Variants in CORO2A observed in about 807,000 individuals in gnomAD.
CORO2A encodes the protein coronin 2A.
Under a neutral mutation model 62.4 loss-of-function variants are expected in CORO2A, and 47 were observed. That is an observed-to-expected ratio of 0.75 (90% CI 0.60 to 0.96). The LOEUF is 0.96. Among genes scored for constraint, CORO2A ranks in the 40% least tolerant of loss-of-function variants. The pLI is 0.00. For synonymous variants in CORO2A, 273 were observed against 268.9 expected (o/e 1.02, Z -0.15); for missense variants, 610 against 684.1 (o/e 0.89, Z 1.21).
At chr9:98,141,745 T>C (rs1050934811) in intron 2 of CORO2A, among the ~76,000 whole-genome samples, 4 of 152,218 alleles carry the variant, frequency 2.6e-5, no homozygotes, top group African/African-American at 9.6e-5. Context: ...GTTGTGCACC[T>C]GCTCACATTT....
In CORO2A at chr9:98,157,563, C is replaced by T. The variant is rs551562035; in HGVS notation, c.98G>A (p.Arg33His). 156 of 1,614,148 alleles carry T rather than the reference C, an allele frequency of 9.7e-5. No individual in the cohort carries two copies. Among genetic ancestry groups the T allele is most frequent in the Admixed American group, 3.7e-4 (22 of 60,012 alleles). Residue 33 changes from arginine to histidine, a missense_variant, in exon 2 of 12, where the codon CGC (arginine) becomes CAC (histidine). By Grantham distance (29) the Arg-to-His change is conservative (BLOSUM62 0). Coordinates refer to ENST00000375077, the MANE Select transcript of CORO2A (RefSeq NM_052820.4). ...ENCYDSVPIT[R>H]SVHDNHFCAV... Reference sequence around the variant, plus strand: ...ACAGAAGTGGTTGTCGTGAACGCTGCGGGTGATAGGCACGGAGTCGTAGCA... The same window carrying T: ...ACAGAAGTGGTTGTCGTGAACGCTGTGGGTGATAGGCACGGAGTCGTAGCA...
At chr9:98,184,095 T>C (rs1475900042) in intron 1 of CORO2A, among the ~76,000 whole-genome samples, 1 of 152,236 alleles carries the variant, frequency 6.6e-6, no homozygotes, top group Non-Finnish European at 1.5e-5. Flanking sequence ...TACTATTTTA[T>C]ATCAGGGATT....
intron 1 of CORO2A, among the ~76,000 whole-genome samples, chr9:98,173,570 T>G (rs1341460035): frequency 1.3e-5 from 2 of 152,152 alleles, no homozygotes; most frequent in Non-Finnish European, 2.9e-5. Flanking sequence ...ATAAATTGCA[T>G]GCTCTGAGGC....
rs72757947 is a variant in CORO2A, at chr9:98,181,357, T to C, written c.-1+11202A>G. Among the ~76,000 whole-genome samples the C allele has an allele frequency of 1.9e-3, 285 of 147,870 alleles. 4 individuals are homozygous for C. The highest frequency in any genetic ancestry group is 0.014 in the South Asian group (63 of 4,592). ...TGCTTTTTTTTTTTTTTTTTTTTTT[T>C]AAGAGATGAGGTCTCACTATGTTGT... On this transcript the variant is annotated intron_variant, in intron 1 of 11. Transcript: ENST00000375077.
At chr9:98,126,211 T>G (rs1827316084) in intron 11 of CORO2A, among the ~76,000 whole-genome samples, 1 of 151,732 alleles carries the variant, frequency 6.6e-6, no homozygotes, top group Non-Finnish European at 1.5e-5. Flanking sequence ...AATTTTTGTA[T>G]TTTTAGTAGA....
chr9:98,128,489 C>A, intron 9 of CORO2A, 118 bp downstream of exon 9: 1 of 919,188 alleles, frequency 1.1e-6, no homozygotes, highest in Admixed American at 2.1e-5. Flanking sequence ...GTGAGAAAGG[C>A]CGCTCTGTGG....
At position 98,128,681 on chromosome 9, in the gene CORO2A, C is replaced by T. The variant is rs772266826; in HGVS notation, c.1006G>A (p.Glu336Lys). The T allele has an allele frequency of 1.7e-5, 28 of 1,614,034 alleles. No homozygotes were observed. The highest frequency in any genetic ancestry group is 1.6e-4 in the Middle Eastern group (1 of 6,084). The change falls in exon 9 of 12, where the codon GAG (glutamate) becomes AAG (lysine). Residue 336 changes from glutamate to lysine, a missense_variant. Coordinates refer to ENST00000375077, the MANE Select transcript of CORO2A (RefSeq NM_052820.4). The stretch of plus-strand genomic sequence containing the variant: ...ATCAGCTTGTAGAAGCGGAAGATCT[C>T]GCAGGAGGACACGTCGAGTCCTCTC... Reference protein sequence around the residue: ...PKRGLDVSSCEIFRFYKLITT... With the variant: ...PKRGLDVSSCKIFRFYKLITT...
At chr9:98,143,205 G>C (rs979956586) in intron 2 of CORO2A, among the ~76,000 whole-genome samples, 1 of 152,266 alleles carries the variant, frequency 6.6e-6, no homozygotes, top group Non-Finnish European at 1.5e-5. Context: ...CCCTGGGGCA[G>C]AGGGGGAAGA....
At chr9:98,168,791 A>G (rs952742310) in intron 1 of CORO2A, among the ~76,000 whole-genome samples, 12 of 152,272 alleles carry the variant, frequency 7.9e-5, no homozygotes, top group Non-Finnish European at 1.5e-4. Context: ...ACCAGAAAGC[A>G]TGAAGCAGCC....
intron 1 of CORO2A, among the ~76,000 whole-genome samples, chr9:98,190,506 G>A (rs950218690): frequency 1.3e-5 from 2 of 152,048 alleles, no homozygotes; most frequent in South Asian, 2.1e-4. Flanking sequence ...CCCTGGGCTC[G>A]GTTGCTGGTT....
At chr9:98,160,598 G>A (rs1420958528) in intron 1 of CORO2A, among the ~76,000 whole-genome samples, 25 of 152,330 alleles carry the variant, frequency 1.6e-4, no homozygotes, top group African/African-American at 1.4e-4. Context: ...CTAGGGTCTT[G>A]GCAACTTGGT....
At chr9:98,149,557 T>C (rs748970000) in intron 2 of CORO2A, among the ~76,000 whole-genome samples, 1 of 152,200 alleles carries the variant, frequency 6.6e-6, no homozygotes, top group Admixed American at 6.5e-5. Flanking sequence ...CTTCCAATCA[T>C]GCAGACAGTG....
chr9:98,192,330 G>A (rs1828314850), intron 1 of CORO2A, among the ~76,000 whole-genome samples: 1 of 152,228 alleles, frequency 6.6e-6, no homozygotes, highest in African/African-American at 2.4e-5. Context: ...CAACAACCCC[G>A]CGAGAAGGGG....
chr9:98,127,070 A>C, intron 10 of CORO2A: 1 of 563,602 alleles, frequency 1.8e-6, no homozygotes, highest in Admixed American at 3.1e-5. Context: ...GCGTGCACTG[A>C]AGCAGCCCCC....
At chr9:98,126,034 CTT>C (rs11334821) in intron 11 of CORO2A, among the ~76,000 whole-genome samples, 1,297 of 113,250 alleles carry the variant, frequency 0.011, 14 homozygotes, top group African/African-American at 0.03. Context: ...TCCCCACCAT[CTT>C]TTTTTTTTTT....
rs368787115 is a variant in CORO2A at position 98,161,397 on chromosome 9, T to C, written c.1-3737A>G. Among the ~76,000 whole-genome samples, 48 of 151,778 alleles carry C rather than the reference T, an allele frequency of 3.2e-4. 1 individual carries two copies. The South Asian group carries it at 0.01, about 32-fold the overall frequency. On this transcript the variant is annotated intron_variant, in intron 1 of 11. Coordinates refer to ENST00000375077, the MANE Select transcript of CORO2A (RefSeq NM_052820.4). ...GGTGAAACCCCGTCTCTACTGAAAATACAAAAATTAGCCGGGTGTGGTGGC... is the reference window on the plus strand; with the variant it reads ...GGTGAAACCCCGTCTCTACTGAAAACACAAAAATTAGCCGGGTGTGGTGGC...
At chr9:98,128,535 C>A (rs538293375) in intron 9 of CORO2A, 72 bp downstream of exon 9, 5 of 1,380,548 alleles carry the variant, frequency 3.6e-6, no homozygotes, top group East Asian at 2.3e-5. Context: ...CTCTGGTGCC[C>A]GACAGCCCTG....
At chr9:98,153,211 T>C (rs1373864234) in intron 2 of CORO2A, among the ~76,000 whole-genome samples, 1 of 150,862 alleles carries the variant, frequency 6.6e-6, no homozygotes, top group Non-Finnish European at 1.5e-5. Context: ...GTGATTCTCC[T>C]GCCTCAGACT....
chr9:98,165,120 C>A (rs944249894), intron 1 of CORO2A, among the ~76,000 whole-genome samples: 1 of 142,054 alleles, frequency 7.0e-6, no homozygotes, highest in Non-Finnish European at 1.6e-5. Context: ...GCATGTACCA[C>A]CGTGCTTGGC....
Sources: gnomAD v4.1 joint callset for allele counts (sites outside exome capture counted in the v4.1 genomes callset) on GRCh38, gnomAD v4.1.1 for gene constraint, MANE v1.5 for transcripts, NCBI Gene and HGNC (gene_info 2026-07-23, HGNC 2026-07-21) for gene names.